The following DCHS1 variants were observed in gnomAD, a reference collection of about 807,000 sequenced individuals.
DCHS1 encodes the protein protocadherin-16.
DCHS1 carries 78 observed loss-of-function variants against 213.9 expected under a neutral mutation model. The observed-to-expected ratio is 0.36, with a 90% confidence interval of 0.30 to 0.44. The LOEUF is 0.44. DCHS1 is among the 20% of genes least tolerant of loss of function. The pLI, the probability that DCHS1 is intolerant of heterozygous loss-of-function variation, is 1.00. For missense variants in DCHS1, 3,946 were observed against 4,395.9 expected, an observed-to-expected ratio of 0.90 and a Z score of 2.89; for synonymous variants, 1,828 against 1,873.7, an observed-to-expected ratio of 0.98 and a Z score of 0.63.
chr11:6,626,460 A>G lies in DCHS1; in HGVS notation c.6365-80T>C. 1 of 1,603,008 alleles carries G rather than the reference A, an allele frequency of 6.2e-7. No individual in the cohort carries two copies. The highest frequency in any genetic ancestry group is 8.5e-7 in the Non-Finnish European group (1 of 1,172,116). ...CTTCTCTAAGACCCCTTACTCAAGGACAGCCCTTCACCCATCAAAGGCTCC... is the reference window on the plus strand; with the variant it reads ...CTTCTCTAAGACCCCTTACTCAAGGGCAGCCCTTCACCCATCAAAGGCTCC... On this transcript the variant is annotated intron_variant, in intron 15 of 20. Transcript: ENST00000299441. This position sits in a 1 kb window ranked among gnomAD's most constrained non-coding sequence, Gnocchi z 5.2.
intron 3 of DCHS1, 41 bp downstream of exon 3, chr11:6,634,077 C>T: frequency 6.2e-7 from 1 of 1,600,038 alleles, no homozygotes; most frequent in Non-Finnish European, 8.5e-7. Context: ...GGTGAGTGCC[C>T]TACCCCAACA....
chr11:6,644,951 C>T (rs1856134963), intron 1 of DCHS1, among the ~76,000 whole-genome samples: 1 of 152,210 alleles, frequency 6.6e-6, no homozygotes, highest in Non-Finnish European at 1.5e-5. Flanking sequence ...GACCCACCTC[C>T]TCTCTCCCAT....
intron 1 of DCHS1, among the ~76,000 whole-genome samples, chr11:6,650,284 G>A (rs1326019018): frequency 6.6e-6 from 1 of 152,204 alleles, no homozygotes; most frequent in Non-Finnish European, 1.5e-5. Context: ...AGTTCCAGGT[G>A]GACCTCCTGG....
chr11:6,621,997 G>A lies in DCHS1; in HGVS notation c.9679C>T (p.Arg3227Trp), dbSNP rs547000377. 3.2e-5 allele frequency: 52 copies of A among 1,613,526 alleles called. No homozygotes were observed. The highest frequency in any genetic ancestry group is 1.6e-4 in the Middle Eastern group (1 of 6,062). ...TGAGAAGCTGGTGGGAAGATGGCCC[G>A]GGCTGCAGCTGTGTTTGCTGGCTTG... is the stretch of plus-strand genomic sequence containing the variant. ...PPKPANTAAA[R>W]AIFPPASHRS... Residue 3227 changes from arginine (R) to tryptophan (W), a missense_variant, in exon 21 of 21, where the codon CGG becomes TGG. Physicochemically the swap from Arg to Trp is moderately radical, Grantham distance 101. Transcript: ENST00000299441.
chr11:6,646,807 T>C (rs888170052), intron 1 of DCHS1, among the ~76,000 whole-genome samples: 5 of 152,096 alleles, frequency 3.3e-5, no homozygotes, highest in Admixed American at 6.5e-5. Context: ...TGAAACGTGA[T>C]GTCAATTCCC....
At chr11:6,634,978 A>G (rs1338094768) in intron 2 of DCHS1, 2 of 152,212 alleles carry the variant, frequency 1.3e-5, no homozygotes, top group African/African-American at 2.4e-5. Flanking sequence ...TTCGAGATTA[A>G]GTGAATTCAC....
chr11:6,640,371 T>C lies in DCHS1; in HGVS notation c.1243A>G (p.Ser415Gly), dbSNP rs1856050463. The C allele has an allele frequency of 6.2e-7, 1 of 1,613,578 alleles. No homozygotes were observed. The change falls in exon 2 of 21, where the codon AGC becomes GGC. Residue 415 changes from serine to glycine, a missense_variant. By Grantham distance (56) the Ser-to-Gly change is moderately conservative. Around this residue, in one of 3 missense-constraint regions of DCHS1, gnomAD observed 3,384 missense variants for 3,780.1 expected, o/e 0.90. Transcript: ENST00000299441. This position sits in a 1 kb window ranked among gnomAD's most constrained non-coding sequence, Gnocchi z 6.5. ...AGATAGATGACGCTGTCTTGGGTGC[T>C]TAGGGCAAAGTGGCCCTCTCCACCT... ...LEGGEGHFAL[S>G]TQDSVIYLVC...
intron 1 of DCHS1, among the ~76,000 whole-genome samples, chr11:6,642,865 T>C (rs1270469555): frequency 2.0e-5 from 3 of 152,186 alleles, no homozygotes; most frequent in Admixed American, 6.5e-5. Flanking sequence ...GAGGCACTTA[T>C]GGGCATCCAG....
At position 6,655,589 on chromosome 11, in the gene DCHS1, C is replaced by T. The variant is rs1589966257; in HGVS notation, c.-147G>A. 1 of 979,766 alleles carries T rather than the reference C, an allele frequency of 1.0e-6. No individual in the cohort carries two copies. Among genetic ancestry groups the T allele is most frequent in the Middle Eastern group, 5.2e-4 (1 of 1,910 alleles). The allele number at this position is 979,766 out of a possible 1,614,324, so 60.7% of individuals were successfully genotyped here. A position where few individuals can be genotyped will look rare whatever the true frequency, so the allele number is the denominator to read the frequency against. On this transcript the variant is annotated 5_prime_UTR_variant, in exon 1 of 21. Transcript: ENST00000299441. ...TCCGCGCGACGCGGGCTCCCTCGCC[C>T]GGTGCTGGGGCGCCGTCCGGCCGCG...
At position 6,624,122 on chromosome 11, in the gene DCHS1, C is replaced by T; in HGVS notation, c.7554G>A (p.Val2518=). 1 of 1,611,772 alleles carries T rather than the reference C, an allele frequency of 6.2e-7. No individual in the cohort carries two copies. Among genetic ancestry groups the T allele is most frequent in the Non-Finnish European group, 8.5e-7 (1 of 1,179,044 alleles). The stretch of plus-strand genomic sequence containing the variant: ...AGTTGCCACTGATGATGCTGTAGTC[C>T]ACAGCGGCATGGCTGCGGCTTCCAT... ...DADGSRSHAA[V]DYSIISGNWG... is the part of the protein sequence containing the mutation. The change falls in exon 21 of 21, where the codon GTG becomes GTA. Residue 2518 remains valine, a synonymous_variant. Coordinates refer to ENST00000299441, the MANE Select transcript of DCHS1 (RefSeq NM_003737.4).
chr11:6,655,326 C>A (rs1251369559), intron 1 of DCHS1, among the ~76,000 whole-genome samples: 2 of 151,988 alleles, frequency 1.3e-5, no homozygotes, highest in Non-Finnish European at 2.9e-5. Context: ...ACACCCCCGG[C>A]GCACGCTCCC....
In DCHS1 at chr11:6,625,355, C is replaced by T. The variant is rs200322732; in HGVS notation, c.6989G>A (p.Arg2330His). 2.0e-5 allele frequency: 33 copies of T among 1,613,664 alleles called. No individual in the cohort carries two copies. Among genetic ancestry groups the T allele is most frequent in the Admixed American group, 1.2e-4 (7 of 59,988 alleles). Residue 2330 changes from arginine (R) to histidine (H), a missense_variant, in exon 19 of 21, where the codon CGT becomes CAT. Transcript: ENST00000299441. This position sits in a 1 kb window ranked among gnomAD's most constrained non-coding sequence, Gnocchi z 5.3. ...DPFSVGRYGG[R>H]VSLTGPLDFE... ...GTCCAGGGGCCCCGTGAGGGAGACA[C>T]GGCCTCCATAGCGGCCAACACTGAA...
chr11:6,639,097 G>A (rs1035958674), intron 2 of DCHS1, among the ~76,000 whole-genome samples: 3 of 137,596 alleles, frequency 2.2e-5, no homozygotes, highest in Admixed American at 7.9e-5. Context: ...GCAACAGAGC[G>A]AGACTCCGCC....
At position 6,634,131 on chromosome 11, in the gene DCHS1, G is replaced by C. The variant is rs762188777; in HGVS notation, c.1973C>G (p.Thr658Arg). 7 of 1,605,232 alleles carry C rather than the reference G, an allele frequency of 4.4e-6. No homozygotes were observed. Among genetic ancestry groups the C allele is most frequent in the Non-Finnish European group, 6.0e-6 (7 of 1,174,248 alleles). Residue 658 changes from threonine to arginine, a missense_variant, in exon 3 of 21, where the codon ACA (threonine) becomes AGA (arginine). Physicochemically the swap from Thr to Arg is moderately conservative, Grantham distance 71. Coordinates refer to ENST00000299441, the MANE Select transcript of DCHS1 (RefSeq NM_003737.4). ...QGPSSFDFTV[T>R]AVDGGGLKSM... ...CTACTGACTTACCCCATCCACAGCTGTCACTGTGAAGTCAAAGCTTGAGGG... is the reference window on the plus strand; with the variant it reads ...CTACTGACTTACCCCATCCACAGCTCTCACTGTGAAGTCAAAGCTTGAGGG...
intron 1 of DCHS1, among the ~76,000 whole-genome samples, chr11:6,643,687 T>C (rs1339236531): frequency 6.6e-6 from 1 of 152,216 alleles, no homozygotes; most frequent in South Asian, 2.1e-4. Flanking sequence ...TCCACTCCCA[T>C]GCCTTCAGTT....
Position 6,621,771 on chromosome 11 carries a change from G to T in DCHS1, c.*8C>A. The T allele has an allele frequency of 6.4e-7, 1 of 1,570,960 alleles. No individual in the cohort carries two copies. The highest frequency in any genetic ancestry group is 1.2e-5 in the South Asian group (1 of 85,686). On this transcript the variant is annotated 3_prime_UTR_variant, in exon 21 of 21. Coordinates refer to ENST00000299441, the MANE Select transcript of DCHS1 (RefSeq NM_003737.4). ...GCATCCCAGGTCGGGGCCCAGCCTG[G>T]GCCACAGCTAGATGTGCAGCTCCGT...
At chr11:6,642,054 T>C (rs1379215182) in intron 1 of DCHS1, among the ~76,000 whole-genome samples, 4 of 152,214 alleles carry the variant, frequency 2.6e-5, no homozygotes, top group Admixed American at 6.5e-5. Context: ...TTTCTTCTCA[T>C]CCAGAACTAA....
In DCHS1 at chr11:6,652,078, G is replaced by A. The variant is rs574672834; in HGVS notation, c.-121+3485C>T. On this transcript the variant is annotated intron_variant, in intron 1 of 20. Transcript: ENST00000299441. ...AACTTTAAGGAACAGTGACATTCAG[G>A]GGGCATACAAAGGATCCCTCAAAGC... Among the ~76,000 whole-genome samples, 8 of 152,276 alleles carry A rather than the reference G, an allele frequency of 5.3e-5. No homozygotes were observed. The South Asian group carries it at 6.2e-4, about 12-fold the overall frequency.
chr11:6,644,032 C>T (rs908558734), intron 1 of DCHS1, among the ~76,000 whole-genome samples: 2 of 152,212 alleles, frequency 1.3e-5, no homozygotes, highest in Admixed American at 1.3e-4. Context: ...GTCCGAACAT[C>T]TCTCCTTGTG....
Sources: allele counts gnomAD v4.1 joint callset (sites outside exome capture counted in the v4.1 genomes callset), GRCh38; gene constraint gnomAD v4.1.1; regional missense constraint gnomAD v4.1.1; non-coding constraint Gnocchi (gnomAD v3.1); transcripts MANE v1.5; gene names NCBI Gene and HGNC (gene_info 2026-07-23, HGNC 2026-07-21).